The following CNBD1 variants were observed in gnomAD, a reference collection of about 807,000 sequenced individuals.
CNBD1 encodes cyclic nucleotide-binding domain-containing protein 1.
Under a neutral mutation model 54.4 loss-of-function variants are expected in CNBD1, and 71 were observed. The ratio of observed to expected loss-of-function variants is 1.30; its 90% CI spans 1.08 to 1.59. The LOEUF (loss-of-function observed/expected upper bound fraction) is 1.59. Ranked by LOEUF, CNBD1 falls within the 40% of genes most tolerant of loss-of-function variation. The probability of loss-of-function intolerance (pLI) is 0.00; values close to 1 mark genes in which losing one functional copy is unlikely to be tolerated. For synonymous variants in CNBD1, 182 were observed against 170.7 expected, an observed-to-expected ratio of 1.07 and a Z score of -0.51; for missense variants, 659 against 518.0, an observed-to-expected ratio of 1.27 and a Z score of -2.64.
intron 8 of CNBD1, among the ~76,000 whole-genome samples, chr8:87,286,899 C>A (rs997552080): frequency 2.6e-5 from 4 of 152,098 alleles, no homozygotes; most frequent in African/African-American, 9.7e-5. Flanking sequence ...CTTTTAACAT[C>A]TCTCTCTACT....
intron 4 of CNBD1, among the ~76,000 whole-genome samples, chr8:86,964,979 T>C (rs1808032868): frequency 6.6e-6 from 1 of 152,208 alleles, no homozygotes; most frequent in Non-Finnish European, 1.5e-5. Flanking sequence ...AGGCAATGCT[T>C]CTTTTCTGTG....
intron 4 of CNBD1, among the ~76,000 whole-genome samples, chr8:87,007,898 A>G (rs1471174790): frequency 6.6e-6 from 1 of 152,170 alleles, no homozygotes; most frequent in East Asian, 1.9e-4. Flanking sequence ...TGCTCACAAG[A>G]TCATTAAATG....
chr8:87,229,344 A>G (rs1224852081), intron 5 of CNBD1, among the ~76,000 whole-genome samples: 1 of 152,058 alleles, frequency 6.6e-6, no homozygotes, highest in African/African-American at 2.4e-5. Context: ...TGAATATTTG[A>G]ATGAGGAATC....
At chr8:86,936,793 A>G (rs1035824885) in intron 3 of CNBD1, among the ~76,000 whole-genome samples, 10 of 151,900 alleles carry the variant, frequency 6.6e-5, no homozygotes, top group Admixed American at 6.6e-5. Flanking sequence ...CTAAAGAATT[A>G]GGTTACCAAA....
At chr8:87,424,956 A>G (rs1481758968) in intron 2 of CNBD1, among the ~76,000 whole-genome samples, 28 of 152,082 alleles carry the variant, frequency 1.8e-4, no homozygotes, top group Admixed American at 1.8e-3. Context: ...TTTCAGGTAC[A>G]CCAATCAGAC....
At chr8:87,329,228 T>C (rs1269220215) in intron 8 of CNBD1, among the ~76,000 whole-genome samples, 2 of 152,170 alleles carry the variant, frequency 1.3e-5, no homozygotes, top group African/African-American at 2.4e-5. Flanking sequence ...TGACTATTTT[T>C]ATGTGAGTTC....
intron 8 of CNBD1, among the ~76,000 whole-genome samples, chr8:87,327,887 A>G (rs949845898): frequency 1.3e-5 from 2 of 151,902 alleles, no homozygotes; most frequent in South Asian, 4.1e-4. Context: ...TACTATCTTT[A>G]ATCCATTTTT....
chr8:86,985,523 A>G (rs1808586893), intron 4 of CNBD1, among the ~76,000 whole-genome samples: 1 of 152,174 alleles, frequency 6.6e-6, no homozygotes, highest in South Asian at 2.1e-4. Flanking sequence ...ACTTAGGATT[A>G]TGGGCTCAAG....
At chr8:87,424,300 C>T (rs187115372) in intron 2 of CNBD1, among the ~76,000 whole-genome samples, 1,710 of 151,066 alleles carry the variant, frequency 0.011, 35 homozygotes, top group African/African-American at 0.037. Context: ...ATTTTAGTTA[C>T]TTCTTGCCTT....
At chr8:87,334,744 G>A (rs1165546995) in intron 8 of CNBD1, among the ~76,000 whole-genome samples, 2 of 144,524 alleles carry the variant, frequency 1.4e-5, no homozygotes, top group African/African-American at 5.2e-5. Flanking sequence ...TTTTAAGATG[G>A]AGTCTCGCTC....
At chr8:87,352,395 G>A (rs765569522) in intron 9 of CNBD1, among the ~76,000 whole-genome samples, 1 of 148,390 alleles carries the variant, frequency 6.7e-6, no homozygotes, top group Non-Finnish European at 1.5e-5. Flanking sequence ...CAGAAGAATC[G>A]CTTGAACCTG....
chr8:86,966,921 G>A (rs942784453), intron 4 of CNBD1, among the ~76,000 whole-genome samples: 38 of 152,248 alleles, frequency 2.5e-4, no homozygotes, highest in African/African-American at 8.9e-4. Context: ...TTGCTGATTG[G>A]TCCATCTTAC....
intron 2 of CNBD1, among the ~76,000 whole-genome samples, chr8:86,890,161 G>A (rs769358456): frequency 4.6e-5 from 7 of 151,832 alleles, no homozygotes; most frequent in East Asian, 1.9e-4. Context: ...ATTAACTTTA[G>A]TCACCCTGTT....
At chr8:87,223,903 G>C (rs971544511) in intron 5 of CNBD1, among the ~76,000 whole-genome samples, 1 of 152,176 alleles carries the variant, frequency 6.6e-6, no homozygotes, top group Non-Finnish European at 1.5e-5. Flanking sequence ...TCCAGCACCT[G>C]TTGCTTCCTG....
At chr8:87,126,370 T>C (rs1291462470) in intron 4 of CNBD1, among the ~76,000 whole-genome samples, 6 of 152,060 alleles carry the variant, frequency 3.9e-5, no homozygotes, top group Non-Finnish European at 8.8e-5. Context: ...CCTTTGTGGT[T>C]TGAATTTGCA....
intron 10 of CNBD1, among the ~76,000 whole-genome samples, chr8:87,372,521 A>T (rs1237656483): frequency 1.3e-5 from 2 of 151,912 alleles, no homozygotes; most frequent in Non-Finnish European, 2.9e-5. Context: ...TCTGTTTTAG[A>T]GTCACCATAA....
intron 5 of CNBD1, 150 bp downstream of exon 5, chr8:87,206,288 A>C (rs542279621): frequency 5.1e-6 from 3 of 587,880 alleles, no homozygotes; most frequent in African/African-American, 1.9e-5. Flanking sequence ...TTGTAAGTTT[A>C]TAAGTAGTGA....
chr8:86,940,419 G>A (rs980292041), intron 4 of CNBD1, among the ~76,000 whole-genome samples: 7 of 152,098 alleles, frequency 4.6e-5, no homozygotes, highest in South Asian at 2.1e-4. Flanking sequence ...TGCCTGCCTC[G>A]GCCTCCCTCG....
At position 86,939,679 on chromosome 8, in the gene CNBD1, A is replaced by T. The variant is rs1266543460; in HGVS notation, c.356A>T (p.His119Leu). The T allele has an allele frequency of 1.2e-6, 2 of 1,605,522 alleles. No individual in the cohort carries two copies. Among genetic ancestry groups the T allele is most frequent in the African/African-American group, 1.3e-5 (1 of 74,630 alleles). ...ATAGCTGTCCATGTTCAGAGAGCACATGGTGGCCATATTTTATATAGACCA... is the reference window on the plus strand; with the variant it reads ...ATAGCTGTCCATGTTCAGAGAGCACTTGGTGGCCATATTTTATATAGACCA... ...NNIAVHVQRA[H>L]GGHILYRPKR... is the part of the protein sequence containing the mutation. The change falls in exon 4 of 11, where the codon CAT (histidine) becomes CTT (leucine). Residue 119 changes from histidine (H) to leucine (L), a missense_variant. By Grantham distance (99) the His-to-Leu change is moderately conservative. Transcript: ENST00000518476.
Sources: gnomAD v4.1 joint callset for allele counts (sites outside exome capture counted in the v4.1 genomes callset) on GRCh38, gnomAD v4.1.1 for gene constraint, MANE v1.5 for transcripts, NCBI Gene and HGNC (gene_info 2026-07-23, HGNC 2026-07-21) for gene names.